SORT1: variants seen among roughly 807,000 people sequenced by gnomAD.
The protein encoded by SORT1 is sortilin 1.
A neutral mutation model predicts 101.7 loss-of-function variants in SORT1; 39 were observed. The observed-to-expected ratio is 0.38, with a 90% confidence interval of 0.30 to 0.50. The LOEUF is 0.50. SORT1 is among the 20% of genes least tolerant of loss of function. The pLI, the probability that SORT1 is intolerant of heterozygous loss-of-function variation, is 0.90. For missense variants in SORT1, 878 were observed against 1,040.4 expected, an observed-to-expected ratio of 0.84 and a Z score of 2.15; for synonymous variants, 396 against 393.7, an observed-to-expected ratio of 1.01 and a Z score of -0.07.
At chr1:109,352,829 G>A (rs1650051878) in intron 5 of SORT1, among the ~76,000 whole-genome samples, 1 of 152,202 alleles carries the variant, frequency 6.6e-6, no homozygotes, top group African/African-American at 2.4e-5. Context: ...TCTTCCTGAG[G>A]ACAGTGCTGT....
intron 2 of SORT1, chr1:109,368,520 T>C (rs1651254026): frequency 6.6e-6 from 1 of 152,230 alleles, no homozygotes; most frequent in African/African-American, 2.4e-5. Context: ...TGTGCCTCAA[T>C]GCTATGACAC....
At chr1:109,327,437 G>T in intron 12 of SORT1, 62 bp downstream of exon 12, 1 of 1,029,580 alleles carries the variant, frequency 9.7e-7, no homozygotes, top group Non-Finnish European at 1.5e-6. Flanking sequence ...AAGCCTGTTG[G>T]CTGAGTTTCA....
At chr1:109,386,844 A>G (rs1652600493) in intron 1 of SORT1, among the ~76,000 whole-genome samples, 1 of 152,242 alleles carries the variant, frequency 6.6e-6, no homozygotes, top group Admixed American at 6.5e-5. Flanking sequence ...AGATCAGTAG[A>G]GTGCAAAGCT....
At chr1:109,385,063 G>T (rs928831480) in intron 1 of SORT1, among the ~76,000 whole-genome samples, 2 of 152,026 alleles carry the variant, frequency 1.3e-5, no homozygotes, top group Admixed American at 1.3e-4. Context: ...GGACAATAGA[G>T]TGAGACTCTG....
At chr1:109,322,822 G>C in intron 15 of SORT1, 110 bp downstream of exon 15, 1 of 864,116 alleles carries the variant, frequency 1.2e-6, no homozygotes, top group Non-Finnish European at 1.8e-6. Flanking sequence ...TTACAGGTGT[G>C]AGCCACCGCA....
At chr1:109,394,449 G>C (rs1653080797) in intron 1 of SORT1, among the ~76,000 whole-genome samples, 1 of 152,182 alleles carries the variant, frequency 6.6e-6, no homozygotes, top group Non-Finnish European at 1.5e-5. Context: ...GAGAGAAAAA[G>C]GGAGGCTTGG....
At position 109,346,236 on chromosome 1, in the gene SORT1, C is replaced by G. The variant is rs184776642; in HGVS notation, c.833-355G>C. On this transcript the variant is annotated intron_variant, in intron 7 of 19. Transcript: ENST00000256637. ...GCTGAGGCAGGAGAATGGCGTGAAC[C>G]CGGGATGCAGAGTTTTCAGTGGGCA... Among the ~76,000 whole-genome samples the G allele has an allele frequency of 3.9e-3, 594 of 151,090 alleles. 3 individuals carry two copies. Among genetic ancestry groups the G allele is most frequent in the Non-Finnish European group, 6.4e-3 (435 of 67,790 alleles).
intron 8 of SORT1, among the ~76,000 whole-genome samples, chr1:109,345,285 C>T (rs532612437): frequency 3.9e-5 from 6 of 151,980 alleles, no homozygotes; most frequent in South Asian, 2.1e-4. Context: ...GAGGCTGAGG[C>T]GGGGGGATCA....
chr1:109,375,263 G>GA (rs1651750047), intron 1 of SORT1, among the ~76,000 whole-genome samples: 1 of 151,778 alleles, frequency 6.6e-6, no homozygotes, highest in South Asian at 2.1e-4. Context: ...GCTGGAGACA[G>GA]AAAAAAAAGT....
At chr1:109,340,958 T>A (rs1274822627) in intron 9 of SORT1, 79 bp from the exon 10 acceptor site, 2 of 986,232 alleles carry the variant, frequency 2.0e-6, no homozygotes, top group Non-Finnish European at 3.0e-6. Flanking sequence ...CACACACGAT[T>A]ACCTGCCTGA....
chr1:109,319,703 T>C (rs1175422638), intron 15 of SORT1, among the ~76,000 whole-genome samples: 1 of 151,830 alleles, frequency 6.6e-6, no homozygotes, highest in Admixed American at 6.6e-5. Flanking sequence ...CCGTCTTTAC[T>C]AGAAATACAA....
intron 11 of SORT1, 24 bp from the exon 12 acceptor site, chr1:109,327,625 G>T (rs61291134): frequency 3.6e-5 from 50 of 1,404,550 alleles, no homozygotes; most frequent in Non-Finnish European, 4.7e-5. Flanking sequence ...CAAAAGCGTA[G>T]ATTAGAACCA....
chr1:109,324,223 G>T (rs998112442), intron 14 of SORT1, among the ~76,000 whole-genome samples: 1 of 152,018 alleles, frequency 6.6e-6, no homozygotes, highest in Admixed American at 6.5e-5. Flanking sequence ...CTTCCTCTCG[G>T]GTTCAAATGA....
intron 19 of SORT1, 41 bp downstream of exon 19, chr1:109,314,220 T>TTGG (rs758939571): frequency 7.6e-7 from 1 of 1,314,204 alleles, no homozygotes. Flanking sequence ...TTGTATTTTT[T>TTGG]GGGGGGGGGG....
At chr1:109,343,248 C>T (rs1394665123) in intron 8 of SORT1, among the ~76,000 whole-genome samples, 1 of 152,168 alleles carries the variant, frequency 6.6e-6, no homozygotes, top group Non-Finnish European at 1.5e-5. Context: ...GTATTTACTG[C>T]CTACTTCTTC....
chr1:109,324,853 ATGGACT>A (rs1415593600), intron 14 of SORT1, 40 bp downstream of exon 14: 1 of 1,295,634 alleles, frequency 7.7e-7, no homozygotes, highest in Admixed American at 2.1e-5. Flanking sequence ...ATTTAGGAAA[ATGGACT>A]TGGAAGTTTC....
chr1:109,358,182 G>A (rs1010378241), intron 3 of SORT1, among the ~76,000 whole-genome samples: 2 of 152,200 alleles, frequency 1.3e-5, no homozygotes, highest in African/African-American at 2.4e-5. Context: ...TAAATAAATG[G>A]AGAAAATGAA....
intron 1 of SORT1, among the ~76,000 whole-genome samples, chr1:109,374,439 A>G (rs772298052): frequency 3.3e-5 from 5 of 151,996 alleles, no homozygotes; most frequent in Non-Finnish European, 7.4e-5. Context: ...AAAATACTAA[A>G]AATTAGCCAA....
chr1:109,352,358 T>A (rs1367834703), intron 5 of SORT1, among the ~76,000 whole-genome samples: 1 of 151,508 alleles, frequency 6.6e-6, no homozygotes, highest in Non-Finnish European at 1.5e-5. Context: ...TGAAAGGAGG[T>A]TAAGGAAGGA....
Sources: allele counts gnomAD v4.1 joint callset (sites outside exome capture counted in the v4.1 genomes callset), GRCh38; gene constraint gnomAD v4.1.1; transcripts MANE v1.5; gene names NCBI Gene and HGNC (gene_info 2026-07-23, HGNC 2026-07-21).